SYCE3: variants seen among roughly 807,000 people sequenced by gnomAD.
SYCE3 encodes synaptonemal complex central element protein 3.
Under a neutral mutation model 8.1 loss-of-function variants are expected in SYCE3, and 3 were observed. The observed-to-expected ratio is 0.37, with a 90% CI of 0.17 to 0.96. The LOEUF is 0.96. SYCE3 is among the 40% of genes least tolerant of loss of function. The probability of loss-of-function intolerance (pLI) is 0.41; values close to 1 mark genes in which losing one functional copy is unlikely to be tolerated. For missense variants in SYCE3, 83 were observed against 110.0 expected (o/e 0.75, Z 1.10); for synonymous variants, 36 against 38.7 (o/e 0.93, Z 0.26).
At chr22:50,562,112 GGGGT>G (rs1603442932) in intron 1 of SYCE3, among the ~76,000 whole-genome samples, 1 of 7,284 alleles carries the variant, frequency 1.4e-4, no homozygotes, top group Admixed American at 1.5e-3. Context: ...GAGCGGGGGA[GGGGT>G]GAGGCGGGGT....
intron 2 of SYCE3, among the ~76,000 whole-genome samples, chr22:50,552,892 A>G (rs1272018146): frequency 1.3e-5 from 2 of 152,138 alleles, no homozygotes; most frequent in Non-Finnish European, 2.9e-5. Context: ...GTGAGGCTCT[A>G]TGTGAGGATA....
intron 1 of SYCE3, among the ~76,000 whole-genome samples, chr22:50,559,616 G>A (rs1038610060): frequency 6.6e-6 from 1 of 152,158 alleles, no homozygotes; most frequent in African/African-American, 2.4e-5. Context: ...GGAATGATGA[G>A]GCTTGGACCA....
chr22:50,556,081 C>T (rs1004810392), intron 2 of SYCE3, among the ~76,000 whole-genome samples: 2 of 152,164 alleles, frequency 1.3e-5, no homozygotes, highest in Non-Finnish European at 1.5e-5. Context: ...GAGTGAGCCA[C>T]CGCGCCCGGC....
At chr22:50,553,502 T>A (rs1477661821) in intron 2 of SYCE3, among the ~76,000 whole-genome samples, 1 of 152,162 alleles carries the variant, frequency 6.6e-6, no homozygotes, top group African/African-American at 2.4e-5. Context: ...TGAATCTCCC[T>A]CATTTGGCAT....
Position 50,559,645 on chromosome 22 carries a change from T to G in SYCE3, c.-1+3213A>C, listed in dbSNP as rs189786186. 3.9e-5 allele frequency among the ~76,000 whole-genome samples: 6 copies of G among 152,128 alleles called. No homozygotes were observed. The East Asian group carries it at 1.2e-3, about 29-fold the overall frequency. ...TGGACCAGAGTGTTAGAAGTGGAGG[T>G]AGCCGCCAGGCTTAGTCGGTCATGC... On this transcript the variant is annotated intron_variant, in intron 1 of 2. Coordinates refer to ENST00000406915, the MANE Select transcript of SYCE3 (RefSeq NM_001123225.3).
At chr22:50,557,306 G>T (rs192017506) in intron 1 of SYCE3, among the ~76,000 whole-genome samples, 1 of 151,916 alleles carries the variant, frequency 6.6e-6, no homozygotes, top group Non-Finnish European at 1.5e-5. Context: ...ACAGGCAAGT[G>T]CCACCACGCC....
intron 2 of SYCE3, among the ~76,000 whole-genome samples, chr22:50,554,434 G>A (rs142975638): frequency 9.3e-5 from 14 of 150,148 alleles, no homozygotes; most frequent in Admixed American, 7.3e-4. Flanking sequence ...TGGCTCACGC[G>A]TGTAATCCCA....
In SYCE3 at chr22:50,559,668, T is replaced by C. The variant is rs774873845; in HGVS notation, c.-1+3190A>G. Reference sequence around the variant, plus strand: ...GGTAGCCGCCAGGCTTAGTCGGTCATGCCTGTAATCCCAGCACTTTGGAAG... The same window carrying C: ...GGTAGCCGCCAGGCTTAGTCGGTCACGCCTGTAATCCCAGCACTTTGGAAG... On this transcript the variant is annotated intron_variant, in intron 1 of 2. Coordinates refer to ENST00000406915, the MANE Select transcript of SYCE3 (RefSeq NM_001123225.3). Among the ~76,000 whole-genome samples the C allele has an allele frequency of 8.9e-4, 135 of 152,122 alleles. 3 individuals are homozygous for C. The highest frequency in any genetic ancestry group is 1.6e-4 in the Non-Finnish European group (11 of 67,994).
intron 2 of SYCE3, 66 bp from the exon 3 acceptor site, chr22:50,551,468 G>A (rs1257503861): frequency 1.4e-5 from 20 of 1,480,852 alleles, no homozygotes; most frequent in Non-Finnish European, 1.7e-5. Context: ...TGCCCCAGAA[G>A]GGTCAGATGC....
intron 2 of SYCE3, among the ~76,000 whole-genome samples, chr22:50,555,152 C>G (rs1047437822): frequency 8.1e-5 from 2 of 24,576 alleles, no homozygotes; most frequent in Non-Finnish European, 1.4e-4. Flanking sequence ...TAAAACCAAG[C>G]TGTGCTCTGA....
At chr22:50,556,243 C>T in intron 2 of SYCE3, 54 bp downstream of exon 2, 2 of 1,343,978 alleles carry the variant, frequency 1.5e-6, no homozygotes, top group South Asian at 1.3e-5. Flanking sequence ...GCAAAATAAA[C>T]TTTCTAAATT....
At chr22:50,558,287 G>A (rs904028867) in intron 1 of SYCE3, among the ~76,000 whole-genome samples, 2 of 152,110 alleles carry the variant, frequency 1.3e-5, no homozygotes, top group Non-Finnish European at 2.9e-5. Context: ...AGCCGGGTGT[G>A]GCGGCAGGTG....
intron 1 of SYCE3, among the ~76,000 whole-genome samples, chr22:50,561,486 C>G (rs1031460850): frequency 3.3e-5 from 4 of 122,720 alleles, no homozygotes; most frequent in Non-Finnish European, 6.6e-5. Context: ...CACAATGGAA[C>G]GGAGCTTAGG....
At chr22:50,559,187 C>T (rs1223085157) in intron 1 of SYCE3, among the ~76,000 whole-genome samples, 2 of 151,572 alleles carry the variant, frequency 1.3e-5, no homozygotes, top group South Asian at 2.1e-4. Flanking sequence ...AGTGCAGTGG[C>T]GTCATATCGG....
At chr22:50,556,457 C>T in intron 1 of SYCE3, 52 bp from the exon 2 acceptor site, 2 of 1,269,466 alleles carry the variant, frequency 1.6e-6, no homozygotes, top group Non-Finnish European at 2.2e-6. Flanking sequence ...CATTTCAAAT[C>T]CAGCTCCACT....
At chr22:50,556,182 T>C (rs2069858773) in intron 2 of SYCE3, 115 bp downstream of exon 2, 1 of 684,568 alleles carries the variant, frequency 1.5e-6, no homozygotes. Context: ...ACCTTGAACA[T>C]ATGTCCTGAG....
intron 1 of SYCE3, among the ~76,000 whole-genome samples, chr22:50,559,738 G>A (rs1247551321): frequency 6.6e-6 from 1 of 152,042 alleles, no homozygotes; most frequent in Non-Finnish European, 1.5e-5. Flanking sequence ...GACCCGCCTG[G>A]CCAATATGGC....
chr22:50,560,737 G>A (rs2069906478), intron 1 of SYCE3, among the ~76,000 whole-genome samples: 2 of 152,098 alleles, frequency 1.3e-5, no homozygotes, highest in African/African-American at 4.8e-5. Context: ...AAAGCCTGAA[G>A]AATCAGAAGA....
chr22:50,553,040 A>G (rs1039302695), intron 2 of SYCE3, among the ~76,000 whole-genome samples: 4 of 152,096 alleles, frequency 2.6e-5, no homozygotes, highest in African/African-American at 9.7e-5. Flanking sequence ...TTTACAGAAA[A>G]TACAAAATTT....
Sources: gnomAD v4.1 joint callset for allele counts (sites outside exome capture counted in the v4.1 genomes callset) on GRCh38, gnomAD v4.1.1 for gene constraint, MANE v1.5 for transcripts, NCBI Gene and HGNC (gene_info 2026-07-23, HGNC 2026-07-21) for gene names.